Variants in PCDH11X observed in about 807,000 individuals in gnomAD.
The protein encoded by PCDH11X is protocadherin-11 X-linked.
In PCDH11X, 18 loss-of-function variants were observed where a neutral mutation model predicts 53.3. The observed-to-expected ratio is 0.34, with a 90% CI of 0.23 to 0.50. PCDH11X has a LOEUF of 0.50. PCDH11X is among the 20% of genes least tolerant of loss of function. PCDH11X has a pLI of 0.98. For synonymous variants in PCDH11X, 279 were observed against 393.3 expected (o/e 0.71, Z 3.44); for missense variants, 570 against 1,032.4 (o/e 0.55, Z 6.14).
chrX:92,597,084 T>G, intron 10 of PCDH11X, among the ~76,000 whole-genome samples: 1 of 111,473 alleles, frequency 9.0e-6, no homozygotes, highest in East Asian at 2.8e-4. Flanking sequence ...CGCTGAATAG[T>G]AAAATAATAA....
intron 6 of PCDH11X, among the ~76,000 whole-genome samples, chrX:91,969,675 G>A (rs902399764): frequency 2.8e-5 from 3 of 108,193 alleles, no homozygotes; most frequent in Non-Finnish European, 3.8e-5. Flanking sequence ...GTATGCTCCT[G>A]TGTCCCAACT....
At chrX:92,234,908 G>T (rs1297377993) in intron 7 of PCDH11X, among the ~76,000 whole-genome samples, 1 of 110,660 alleles carries the variant, frequency 9.0e-6, no homozygotes, top group East Asian at 2.8e-4. Flanking sequence ...TCTCCCATGT[G>T]TTTTTTAATT....
rs1928491662 is a variant in PCDH11X, at chrX:92,621,492, T to C, written c.*2552T>C. The C allele has an allele frequency of 9.1e-6, 1 of 109,998 alleles. No individual in the cohort carries two copies. The highest frequency in any genetic ancestry group is 3.3e-5 in the African/African-American group (1 of 30,147). The allele number at this position is 109,998 out of a possible 1,213,427, so 9.1% of individuals were successfully genotyped here. A position where few individuals can be genotyped will look rare whatever the true frequency, so the allele number is the denominator to read the frequency against. ...GACTGGGCACCCTCTTCTTGGTTTT[T>C]ACCAGAGAGGCTTTGAATGGAAGCA... On this transcript the variant is annotated 3_prime_UTR_variant, in exon 11 of 11. Coordinates refer to ENST00000682573, the MANE Select transcript of PCDH11X (RefSeq NM_032968.5).
chrX:92,139,615 A>C (rs1415274243), intron 6 of PCDH11X, among the ~76,000 whole-genome samples: 1 of 110,740 alleles, frequency 9.0e-6, no homozygotes, highest in Non-Finnish European at 1.9e-5. Flanking sequence ...ACTTCACTCA[A>C]ATAAAATCTG....
intron 10 of PCDH11X, among the ~76,000 whole-genome samples, chrX:92,561,003 ACT>A (rs1484634965): frequency 2.0e-5 from 2 of 101,273 alleles, no homozygotes; most frequent in Non-Finnish European, 4.0e-5. Context: ...AGAAAGAGAG[ACT>A]CTGTTTATTT....
At chrX:91,833,570 A>G (rs995417354) in intron 4 of PCDH11X, among the ~76,000 whole-genome samples, 3 of 111,372 alleles carry the variant, frequency 2.7e-5, no homozygotes, top group South Asian at 7.5e-4. Flanking sequence ...TATGATACCA[A>G]CTGCTTAACA....
chrX:92,211,180 G>T (rs2066578418), intron 7 of PCDH11X, among the ~76,000 whole-genome samples: 1 of 111,820 alleles, frequency 8.9e-6, no homozygotes, highest in Non-Finnish European at 1.9e-5. Context: ...GATTCTGTGG[G>T]CTGTACAGGC....
intron 9 of PCDH11X, among the ~76,000 whole-genome samples, chrX:92,440,284 A>C (rs900834747): frequency 6.4e-5 from 7 of 110,178 alleles, no homozygotes; most frequent in Non-Finnish European, 1.3e-4. Context: ...GGTACTGAAT[A>C]GTTTTTCAAC....
At chrX:92,308,747 G>A (rs1411039895) in intron 8 of PCDH11X, among the ~76,000 whole-genome samples, 5 of 110,959 alleles carry the variant, frequency 4.5e-5, no homozygotes, top group African/African-American at 1.6e-4. Flanking sequence ...ATCTCATAAG[G>A]AGTTGATATC....
chrX:92,035,506 C>T (rs1488382252), intron 6 of PCDH11X, among the ~76,000 whole-genome samples: 1 of 95,076 alleles, frequency 1.1e-5, no homozygotes, highest in African/African-American at 3.9e-5. Context: ...AGTTTGCTGC[C>T]AGATGTAATG....
intron 6 of PCDH11X, among the ~76,000 whole-genome samples, chrX:92,201,042 C>A (rs964247078): frequency 1.8e-5 from 2 of 110,936 alleles, no homozygotes; most frequent in African/African-American, 6.6e-5. Flanking sequence ...CCTCCCAAAG[C>A]ACTGGGGTTA....
At chrX:92,111,781 A>G (rs189927615) in intron 6 of PCDH11X, among the ~76,000 whole-genome samples, 2,372 of 110,152 alleles carry the variant, frequency 0.022, 61 homozygotes, top group African/African-American at 0.073. Flanking sequence ...TATCTGAGAC[A>G]GAGTCTCACT....
At chrX:92,308,988 C>A (rs78957990) in intron 8 of PCDH11X, among the ~76,000 whole-genome samples, 7,212 of 110,188 alleles carry the variant, frequency 0.065, 380 homozygotes, top group East Asian at 0.31. Flanking sequence ...AAGGAAATAC[C>A]AAGTGTTGGT....
intron 10 of PCDH11X, among the ~76,000 whole-genome samples, chrX:92,509,485 T>C (rs1304396979): frequency 9.0e-6 from 1 of 111,625 alleles, no homozygotes; most frequent in African/African-American, 3.3e-5. Context: ...AGACATGTTC[T>C]TATAATTCTG....
At chrX:92,034,647 A>C (rs2063102068) in intron 6 of PCDH11X, among the ~76,000 whole-genome samples, 1 of 109,968 alleles carries the variant, frequency 9.1e-6, no homozygotes, top group Admixed American at 9.8e-5. Context: ...TAGATGAACT[A>C]TGTTTATTGT....
At chrX:92,278,489 C>T (rs1195538651) in intron 8 of PCDH11X, among the ~76,000 whole-genome samples, 1 of 109,092 alleles carries the variant, frequency 9.2e-6, no homozygotes, top group Non-Finnish European at 1.9e-5. Flanking sequence ...GGGATGGGGC[C>T]GTTTTATAGG....
Position 92,163,983 on chromosome X carries a change from C to G in PCDH11X, c.3034-37392C>G, listed in dbSNP as rs192897250. ...ATCTAAAGAGACTGTACTTTGCAAA[C>G]ATAAATGACTCATCTTGATGCATAG... On this transcript the variant is annotated intron_variant, in intron 6 of 10. Coordinates refer to ENST00000682573, the MANE Select transcript of PCDH11X (RefSeq NM_032968.5). Among the ~76,000 whole-genome samples the G allele has an allele frequency of 5.3e-3, 591 of 111,640 alleles. 5 individuals are homozygous for G. Among genetic ancestry groups the G allele is most frequent in the Middle Eastern group, 0.018 (4 of 217 alleles).
intron 7 of PCDH11X, among the ~76,000 whole-genome samples, chrX:92,211,673 A>T (rs1023872334): frequency 3.6e-5 from 4 of 112,063 alleles, no homozygotes; most frequent in African/African-American, 1.3e-4. Context: ...ACCACAGCAC[A>T]ATTAAGAATC....
chrX:91,841,302 T>G (rs1250748633), intron 5 of PCDH11X, among the ~76,000 whole-genome samples: 1 of 111,816 alleles, frequency 8.9e-6, no homozygotes, highest in African/African-American at 3.2e-5. Context: ...AATACATCTG[T>G]TATTAAAAAT....
Sources: gnomAD v4.1 joint callset for allele counts (sites outside exome capture counted in the v4.1 genomes callset) on GRCh38, gnomAD v4.1.1 for gene constraint, MANE v1.5 for transcripts, NCBI Gene and HGNC (gene_info 2026-07-23, HGNC 2026-07-21) for gene names.